XYLT1: variants seen among roughly 807,000 people sequenced by gnomAD.
XYLT1 encodes the protein xylosyltransferase 1.
XYLT1 carries 36 observed loss-of-function variants against 91.3 expected under a neutral mutation model. That is an observed-to-expected ratio of 0.39 (90% CI 0.30 to 0.52). The LOEUF is 0.52. Among genes scored for constraint, XYLT1 ranks in the 20% least tolerant of loss-of-function variants. The pLI, the probability that XYLT1 is intolerant of heterozygous loss-of-function variation, is 0.68. For synonymous variants in XYLT1, 588 were observed against 532.0 expected, an observed-to-expected ratio of 1.11 and a Z score of -1.45; for missense variants, 1,242 against 1,284.5, an observed-to-expected ratio of 0.97 and a Z score of 0.51.
chr16:17,203,711 T>A (rs2032585781), intron 3 of XYLT1, among the ~76,000 whole-genome samples: 2 of 152,162 alleles, frequency 1.3e-5, no homozygotes, highest in Admixed American at 1.3e-4. Flanking sequence ...TAACTACTCA[T>A]CTGTCCACTC....
Position 17,139,672 on chromosome 16 carries a change from T to G in XYLT1, c.1588-1141A>C, listed in dbSNP as rs139167925. Among the ~76,000 whole-genome samples the G allele has an allele frequency of 1.8e-4, 27 of 152,192 alleles. 1 individual carries two copies. The East Asian group carries it at 5.2e-3, about 29-fold the overall frequency. On this transcript the variant is annotated intron_variant, in intron 7 of 11. Transcript: ENST00000261381. ...GAGGCATACATTCTCCAACAAGCAG[T>G]GGGAAGATGTACCCAATTACTGATT...
intron 3 of XYLT1, among the ~76,000 whole-genome samples, chr16:17,211,525 G>C (rs925089643): frequency 6.6e-6 from 1 of 152,178 alleles, no homozygotes; most frequent in African/African-American, 2.4e-5. Context: ...CATTCATGTG[G>C]TTCTTTCACT....
chr16:17,131,960 G>A (rs188760083), intron 9 of XYLT1, among the ~76,000 whole-genome samples: 5 of 152,258 alleles, frequency 3.3e-5, no homozygotes, highest in Admixed American at 6.5e-5. Context: ...TAAAAAACGA[G>A]GTGGATACCA....
At chr16:17,248,046 C>T (rs977027097) in intron 3 of XYLT1, among the ~76,000 whole-genome samples, 3 of 152,130 alleles carry the variant, frequency 2.0e-5, no homozygotes, top group African/African-American at 4.8e-5. Context: ...TGTGTCCCCA[C>T]CCAAATCTTA....
intron 3 of XYLT1, chr16:17,250,481 G>A (rs1011447668): frequency 6.6e-6 from 1 of 152,326 alleles, no homozygotes; most frequent in Middle Eastern, 3.4e-3. Flanking sequence ...CAATGGTAAA[G>A]TTGAATAGCT....
intron 1 of XYLT1, among the ~76,000 whole-genome samples, chr16:17,382,152 A>G (rs527517575): frequency 6.6e-6 from 1 of 152,022 alleles, no homozygotes; most frequent in African/African-American, 2.4e-5. Flanking sequence ...GAGAGAAGCC[A>G]CTTTGGGCCA....
intron 10 of XYLT1, among the ~76,000 whole-genome samples, chr16:17,119,585 C>T (rs938791910): frequency 6.6e-6 from 1 of 152,186 alleles, no homozygotes; most frequent in African/African-American, 2.4e-5. Context: ...CCATTCTTTA[C>T]CCAGCTTACA....
chr16:17,359,022 C>G (rs1382478125), intron 1 of XYLT1, among the ~76,000 whole-genome samples: 1 of 152,060 alleles, frequency 6.6e-6, no homozygotes, highest in African/African-American at 2.4e-5. Context: ...GGAGGAGAGA[C>G]AGGGAGGGTA....
intron 1 of XYLT1, among the ~76,000 whole-genome samples, chr16:17,390,531 C>T (rs546277541): frequency 1.8e-4 from 27 of 152,334 alleles, no homozygotes; most frequent in Non-Finnish European, 2.8e-4. Flanking sequence ...TTTGCAAAAA[C>T]GGTAACAGTG....
chr16:17,208,312 G>C (rs2141596575), intron 3 of XYLT1, among the ~76,000 whole-genome samples: 1 of 151,380 alleles, frequency 6.6e-6, no homozygotes, highest in Admixed American at 6.6e-5. Flanking sequence ...CCCTGTCACA[G>C]CCCCTCTGAA....
intron 5 of XYLT1, among the ~76,000 whole-genome samples, chr16:17,181,948 T>G (rs79372335): frequency 6.6e-6 from 1 of 152,062 alleles, no homozygotes; most frequent in African/African-American, 2.4e-5. Context: ...AATGTTTTGA[T>G]GGTGAGAAGG....
At chr16:17,247,158 T>TTCATTCATTCAC (rs1555490710) in intron 3 of XYLT1, among the ~76,000 whole-genome samples, 13 of 151,698 alleles carry the variant, frequency 8.6e-5, no homozygotes, top group African/African-American at 3.2e-4. Context: ...CATTCATTTA[T>TTCATTCATTCAC]TCATTCACTC....
chr16:17,141,203 G>T lies in XYLT1; in HGVS notation c.1537C>A (p.Leu513Met). 1 of 1,614,250 alleles carries T rather than the reference G, an allele frequency of 6.2e-7. No homozygotes were observed. The highest frequency in any genetic ancestry group is 8.5e-7 in the Non-Finnish European group (1 of 1,180,042). ...TAGAACTGTTTCATCTTGGTCACCA[G>T]ATCGTCTGTGGAGAAGGTCACATAT... ...VEYVTFSTDD[L>M]VTKMKQFYSY... Residue 513 changes from leucine (L) to methionine (M), a missense_variant, in exon 7 of 12, where the codon CTG (leucine) becomes ATG (methionine). By Grantham distance (15) the Leu-to-Met change is conservative (BLOSUM62 2). Around this residue, in one of 3 missense-constraint regions of XYLT1, gnomAD observed 294 missense variants for 376.0 expected, o/e 0.78. Transcript: ENST00000261381.
At chr16:17,321,377 T>TG (rs2034718575) in intron 2 of XYLT1, among the ~76,000 whole-genome samples, 1 of 99,946 alleles carries the variant, frequency 1.0e-5, no homozygotes, top group Non-Finnish European at 1.9e-5. Context: ...TTTTTTTTTT[T>TG]GAGGCAGTCT....
At chr16:17,291,858 C>A (rs998125276) in intron 2 of XYLT1, among the ~76,000 whole-genome samples, 1 of 151,788 alleles carries the variant, frequency 6.6e-6, no homozygotes, top group African/African-American at 2.4e-5. Context: ...AGTGTGGGGA[C>A]GAGGTGTGGT....
intron 3 of XYLT1, among the ~76,000 whole-genome samples, chr16:17,232,411 G>GTT: frequency 1.1e-5 from 1 of 88,932 alleles, no homozygotes; most frequent in Non-Finnish European, 2.3e-5. Context: ...GTGTCTGTGT[G>GTT]TGTGTGTGTG....
chr16:17,214,365 A>C (rs2032816943), intron 3 of XYLT1, among the ~76,000 whole-genome samples: 2 of 152,228 alleles, frequency 1.3e-5, no homozygotes, highest in African/African-American at 4.8e-5. Context: ...CATCAGTAAA[A>C]TAGGGATACA....
rs1313629254 is a variant in XYLT1 at position 17,102,173 on chromosome 16, C to T, written c.*6522G>A. 6.6e-6 allele frequency: 1 copy of T among 152,244 alleles called. No homozygotes were observed. The highest frequency in any genetic ancestry group is 2.4e-5 in the African/African-American group (1 of 41,440). 9.4% of individuals were successfully genotyped at this position (152,244 alleles called of 1,614,324 possible). A position where few individuals can be genotyped will look rare whatever the true frequency, so the allele number is the denominator to read the frequency against. On this transcript the variant is annotated 3_prime_UTR_variant, in exon 12 of 12. Transcript: ENST00000261381. Reference sequence around the variant, plus strand: ...ATGCCTGCAGTCTCAGCATCCCATCCACGTGGTGCTTCCTTTAACTCTCAA... The same window carrying T: ...ATGCCTGCAGTCTCAGCATCCCATCTACGTGGTGCTTCCTTTAACTCTCAA...
chr16:17,420,421 G>T lies in XYLT1; in HGVS notation c.363+50013C>A, dbSNP rs1390866996. ...CAAAGCAATTTTTAAAAACTGTATT[G>T]CATTGTTTCATACCTAAAAGAGTCC... is the stretch of plus-strand genomic sequence containing the variant. On this transcript the variant is annotated intron_variant, in intron 1 of 11. Coordinates refer to ENST00000261381, the MANE Select transcript of XYLT1 (RefSeq NM_022166.4). Among the ~76,000 whole-genome samples, 7 of 152,220 alleles carry T rather than the reference G, an allele frequency of 4.6e-5. No individual in the cohort carries two copies. In the East Asian group the frequency reaches 1.4e-3, roughly 29 times the overall value.
Sources: allele counts gnomAD v4.1 joint callset (sites outside exome capture counted in the v4.1 genomes callset), GRCh38; gene constraint gnomAD v4.1.1; regional missense constraint gnomAD v4.1.1; transcripts MANE v1.5; gene names NCBI Gene and HGNC (gene_info 2026-07-23, HGNC 2026-07-21).